SCRIB: variants seen among roughly 807,000 people sequenced by gnomAD.
SCRIB encodes scribble planar cell polarity protein, also known as protein scribble homolog.
A neutral mutation model predicts 170.0 loss-of-function variants in SCRIB; 72 were observed. The observed-to-expected ratio is 0.42, with a 90% CI of 0.35 to 0.52. SCRIB has a LOEUF of 0.52. Among genes scored for constraint, SCRIB ranks in the 20% least tolerant of loss-of-function variants. The pLI is 0.02. For missense variants in SCRIB, 2,475 were observed against 2,338.5 expected (o/e 1.06, Z -1.20); for synonymous variants, 1,298 against 1,044.3 (o/e 1.24, Z -4.68).
At chr8:143,809,117 C>G in intron 14 of SCRIB, 92 bp from the exon 15 acceptor site, 1 of 1,445,908 alleles carries the variant, frequency 6.9e-7, no homozygotes, top group South Asian at 1.4e-5. Flanking sequence ...AGACGGGCTC[C>G]GAAAGCCTCC....
chr8:143,812,141 C>T, intron 9 of SCRIB, 125 bp downstream of exon 9: 1 of 755,562 alleles, frequency 1.3e-6, no homozygotes, highest in South Asian at 1.4e-5. Flanking sequence ...GAGAAGAGCC[C>T]TTCCTGAGTG....
Position 143,810,748 on chromosome 8 carries a change from T to C in SCRIB, c.1342A>G (p.Ile448Val), listed in dbSNP as rs769027347. 2.0e-5 allele frequency: 32 copies of C among 1,608,708 alleles called. No homozygotes were observed. Among genetic ancestry groups the C allele is most frequent in the Non-Finnish European group, 4.2e-6 (5 of 1,178,236 alleles). The change falls in exon 12 of 37, where the codon ATC becomes GTC. Residue 448 changes from isoleucine to valine, a missense_variant. Transcript: ENST00000356994. Reference protein sequence around the residue: ...SDAPPSRVSVIQFLEAPIGDE... With the variant: ...SDAPPSRVSVVQFLEAPIGDE... ...CCTATGGGGGCCTCCAGGAACTGGA[T>C]GACGCTGACGCGGCTCGGCGGGGCA... is the stretch of plus-strand genomic sequence containing the variant.
At chr8:143,801,439 G>A (rs1405376006) in intron 24 of SCRIB, among the ~76,000 whole-genome samples, 1 of 152,212 alleles carries the variant, frequency 6.6e-6, no homozygotes, top group East Asian at 1.9e-4. Flanking sequence ...TAATCTTGCA[G>A]TAGGGAAGAT....
intron 19 of SCRIB, 34 bp from the exon 20 acceptor site, chr8:143,805,048 G>GTGAGGC (rs1399985016): frequency 6.3e-7 from 1 of 1,582,120 alleles, no homozygotes; most frequent in African/African-American, 1.3e-5. Context: ...AGGGCTGCCG[G>GTGAGGC]TGAGGCTGGA....
chr8:143,795,245 C>G (rs1814890760), intron 26 of SCRIB, 32 bp downstream of exon 26: 1 of 1,612,044 alleles, frequency 6.2e-7, no homozygotes, highest in Non-Finnish European at 8.5e-7. Flanking sequence ...CTCCAGTGCC[C>G]TGATGTGAGG....
At chr8:143,796,295 C>T (rs557183027) in intron 24 of SCRIB, among the ~76,000 whole-genome samples, 5 of 152,272 alleles carry the variant, frequency 3.3e-5, no homozygotes, top group South Asian at 2.1e-4. Context: ...CCAGAAGCAG[C>T]GGAGGAGGCA....
At chr8:143,798,872 A>G (rs1197298549) in intron 24 of SCRIB, among the ~76,000 whole-genome samples, 1 of 151,560 alleles carries the variant, frequency 6.6e-6, no homozygotes, top group Non-Finnish European at 1.5e-5. Context: ...CCCACACAAA[A>G]ATGTTGGAAT....
At position 143,809,470 on chromosome 8, in the gene SCRIB, C is replaced by T. The variant is rs1033079126; in HGVS notation, c.1698+81G>A. ...GCCCAGGCACTGCCTGCACCAAAAC[C>T]GATCCCAGCTGAGGCCCCGCAGGGG... On this transcript the variant is annotated intron_variant, in intron 14 of 36. Coordinates refer to ENST00000356994, the MANE Select transcript of SCRIB (RefSeq NM_182706.5). The T allele has an allele frequency of 1.7e-5, 26 of 1,491,542 alleles. No individual in the cohort carries two copies. In the African/African-American group the frequency reaches 2.3e-4, roughly 13 times the overall value. The allele number at this position is 1,491,542 out of a possible 1,614,324, so 92.4% of individuals were successfully genotyped here.
Position 143,792,257 on chromosome 8 carries a change from G to C in SCRIB, c.4477C>G (p.Leu1493Val), listed in dbSNP as rs1554632965. The C allele has an allele frequency of 6.4e-7, 1 of 1,573,878 alleles. No homozygotes were observed. Among genetic ancestry groups the C allele is most frequent in the Non-Finnish European group, 8.6e-7 (1 of 1,167,098 alleles). Residue 1493 changes from leucine (L) to valine (V), a missense_variant, in exon 32 of 37, where the codon CTG becomes GTG. Physicochemically the swap from Leu to Val is conservative, Grantham distance 32 (BLOSUM62 1). Transcript: ENST00000356994. ...CACAGCGCACGCTTCTCGGCCTCCA[G>C]GGCCCGGAGCTCGGCAGGGGACAGG... Reference protein sequence around the residue: ...RALSPAELRALEAEKRALWRA... With the variant: ...RALSPAELRAVEAEKRALWRA...
chr8:143,792,517 C>A lies in SCRIB; in HGVS notation c.4296G>T (p.Gln1432His). ...TLGEEEQEDE[Q>H]PPWASPSPTS... ...TGGGGCTCGGGCTGGCCCAGGGTGG[C>A]TGCTCATCCTCCTGTTCCTCCTCGC... Residue 1432 changes from glutamine to histidine, a missense_variant, in exon 31 of 37, where the codon CAG becomes CAT. Gln to His is a conservative substitution (Grantham distance 24). Around this residue, in one of 3 missense-constraint regions of SCRIB, gnomAD observed 1,966 missense variants for 1,742.9 expected, o/e 1.13. Coordinates refer to ENST00000356994, the MANE Select transcript of SCRIB (RefSeq NM_182706.5). 1 of 1,554,992 alleles carries A rather than the reference C, an allele frequency of 6.4e-7. No homozygotes were observed. The highest frequency in any genetic ancestry group is 8.6e-7 in the Non-Finnish European group (1 of 1,156,878).
intron 24 of SCRIB, among the ~76,000 whole-genome samples, chr8:143,801,517 A>G (rs1322195963): frequency 6.6e-6 from 1 of 152,220 alleles, no homozygotes; most frequent in African/African-American, 2.4e-5. Context: ...AAAAATTTTG[A>G]TTTTTGTAAC....
At position 143,809,028 on chromosome 8, in the gene SCRIB, G is replaced by A. The variant is rs371994236; in HGVS notation, c.1699-3C>T. On this transcript the variant is annotated splice_polypyrimidine_tract_variant and splice_region_variant and intron_variant, in intron 14 of 36. Transcript: ENST00000356994. ...TCCTCTGCGAAATGCACCGTGGGCT[G>A]TGCGGACAAAAGGGTGAGGGTGGCC... 7.5e-6 allele frequency: 12 copies of A among 1,607,060 alleles called. No homozygotes were observed. The African/African-American group carries it at 9.3e-5, about 13-fold the overall frequency.
chr8:143,813,165 CAA>C lies in SCRIB; in HGVS notation c.568-63_568-62del. ...GCAAAGCCTCCTGCTGCGCCGTGCT[CAA>C]GAGACTATACGCCCCCACACCCAGC... On this transcript the variant is annotated intron_variant, in intron 6 of 36. Coordinates refer to ENST00000356994, the MANE Select transcript of SCRIB (RefSeq NM_182706.5). The C allele has an allele frequency of 2.5e-6, 4 of 1,587,892 alleles. No homozygotes were observed. The South Asian group carries it at 3.4e-5, about 13-fold the overall frequency.
chr8:143,807,429 T>C (rs1815478196), intron 16 of SCRIB, 123 bp downstream of exon 16: 1 of 839,188 alleles, frequency 1.2e-6, no homozygotes, highest in Admixed American at 1.7e-5. Context: ...CCCAGCTGGA[T>C]CTGAGAGCTC....
At chr8:143,814,338 C>T (rs1288125039) in intron 1 of SCRIB, among the ~76,000 whole-genome samples, 1 of 152,010 alleles carries the variant, frequency 6.6e-6, no homozygotes, top group Non-Finnish European at 1.5e-5. Context: ...CTCTTCACAC[C>T]AGCCTCCACT....
intron 24 of SCRIB, among the ~76,000 whole-genome samples, chr8:143,800,895 G>A (rs1554634871): frequency 6.6e-6 from 1 of 152,226 alleles, no homozygotes; most frequent in African/African-American, 2.4e-5. Context: ...ATACATACAC[G>A]TACGTGAAAT....
At chr8:143,795,213 C>A in intron 26 of SCRIB, 64 bp downstream of exon 26, 1 of 1,607,272 alleles carries the variant, frequency 6.2e-7, no homozygotes, top group East Asian at 2.2e-5. Context: ...TACCCAGCAC[C>A]CCACAGGCAA....
intron 11 of SCRIB, 39 bp downstream of exon 11, chr8:143,810,867 G>A (rs1815681507): frequency 6.2e-7 from 1 of 1,608,160 alleles, no homozygotes; most frequent in East Asian, 2.2e-5. Flanking sequence ...CCCTGCCTGA[G>A]AGCCACCCCG....
At position 143,804,045 on chromosome 8, in the gene SCRIB, C is replaced by A; in HGVS notation, c.3120+1G>T. 2 of 1,606,164 alleles carry A rather than the reference C, an allele frequency of 1.2e-6. No homozygotes were observed. Among genetic ancestry groups the A allele is most frequent in the East Asian group, 2.2e-5 (1 of 44,662 alleles). On this transcript the variant is annotated splice_donor_variant, in intron 22 of 36. Coordinates refer to ENST00000356994, the MANE Select transcript of SCRIB (RefSeq NM_182706.5). LOFTEE classifies it high-confidence loss of function. ...AGAACCGCCTGGATGGGCCGCCCTA[C>A]CTTGGAGATGAACACACCAGGCTCC...
Sources: allele counts gnomAD v4.1 joint callset (sites outside exome capture counted in the v4.1 genomes callset), GRCh38; gene constraint gnomAD v4.1.1; regional missense constraint gnomAD v4.1.1; transcripts MANE v1.5; gene names NCBI Gene and HGNC (gene_info 2026-07-23, HGNC 2026-07-21).